CFAP73: variants seen among roughly 807,000 people sequenced by gnomAD.
CFAP73 encodes the protein cilia and flagella associated protein 73, also known as cilia- and flagella-associated protein 73.
A neutral mutation model predicts 42.9 loss-of-function variants in CFAP73; 33 were observed. That is an observed-to-expected ratio of 0.77 (90% CI 0.58 to 1.03). The LOEUF is 1.03. Among genes scored for constraint, CFAP73 ranks in the 50% least tolerant of loss-of-function variants. The pLI, the probability that CFAP73 is intolerant of heterozygous loss-of-function variation, is 0.00. For missense variants in CFAP73, 392 were observed against 411.9 expected (o/e 0.95, Z 0.42); for synonymous variants, 162 against 186.8 (o/e 0.87, Z 1.08).
Position 113,149,928 on chromosome 12 carries a change from G to A in CFAP73, c.56+15G>A. 6.4e-7 allele frequency: 1 copy of A among 1,550,478 alleles called. No homozygotes were observed. The highest frequency in any genetic ancestry group is 8.7e-7 in the Non-Finnish European group (1 of 1,146,034). Reference sequence around the variant, plus strand: ...AAACTGTCTACGTGAGTGGGACGTAGAGGGAGGGAGGGCTAGAAGGAGGGC... The same window carrying A: ...AAACTGTCTACGTGAGTGGGACGTAAAGGGAGGGAGGGCTAGAAGGAGGGC... On this transcript the variant is annotated intron_variant, in intron 1 of 7. Transcript: ENST00000335621.
In CFAP73 at chr12:113,159,003, G is replaced by A; in HGVS notation, c.*314G>A. On this transcript the variant is annotated 3_prime_UTR_variant, in exon 8 of 8. Transcript: ENST00000335621. ...GCTTGAGGCCACCACGCTGCAGGAA[G>A]TGCAGCTTCTGGGCCCGGCGCCGCT... 6.2e-7 allele frequency: 1 copy of A among 1,611,896 alleles called. No homozygotes were observed. The highest frequency in any genetic ancestry group is 1.1e-5 in the South Asian group (1 of 90,732).
chr12:113,150,813 C>T (rs1473215998), intron 1 of CFAP73, among the ~76,000 whole-genome samples: 4 of 152,108 alleles, frequency 2.6e-5, no homozygotes, highest in African/African-American at 9.7e-5. Context: ...CCTCCCTGCT[C>T]CCAATTCCCA....
At chr12:113,151,629 CA>C (rs1450872999) in intron 1 of CFAP73, among the ~76,000 whole-genome samples, 2 of 151,788 alleles carry the variant, frequency 1.3e-5, no homozygotes, top group Non-Finnish European at 2.9e-5. Flanking sequence ...CTCATCTTTA[CA>C]AAAATAAAAA....
rs1253278545 is a variant in CFAP73 at position 113,153,257 on chromosome 12, G to C, written c.317G>C (p.Arg106Thr). The change falls in exon 4 of 8, where the codon AGG becomes ACG. Residue 106 changes from arginine (R) to threonine (T), a missense_variant. Coordinates refer to ENST00000335621, the MANE Select transcript of CFAP73 (RefSeq NM_001144872.3). ...GCGCTGCGGAGGGCGGCGGAGGAGA[G>C]GCACCAGGCGGGCCGTCGGGAGGTG... ...NRALRRAAEE[R>T]HQAGRREVEA... 6.6e-7 allele frequency: 1 copy of C among 1,519,712 alleles called. No individual in the cohort carries two copies. The highest frequency in any genetic ancestry group is 1.4e-5 in the African/African-American group (1 of 71,074). 94.1% of individuals were successfully genotyped at this position (1,519,712 alleles called of 1,614,324 possible). A position where few individuals can be genotyped will look rare whatever the true frequency, so the allele number is the denominator to read the frequency against.
Position 113,155,396 on chromosome 12 carries a change from A to C in CFAP73, c.827A>C (p.Asp276Ala). 1.3e-6 allele frequency: 2 copies of C among 1,550,702 alleles called. No homozygotes were observed. Among genetic ancestry groups the C allele is most frequent in the Non-Finnish European group, 1.7e-6 (2 of 1,146,188 alleles). Residue 276 changes from aspartate to alanine, a missense_variant, in exon 6 of 8, where the codon GAC becomes GCC. Coordinates refer to ENST00000335621, the MANE Select transcript of CFAP73 (RefSeq NM_001144872.3). Reference sequence around the variant, plus strand: ...CAGCCTCCCACCCTGGACATCGAGGACACGGAGGGACAGCTAGAGCACGTG... The same window carrying C: ...CAGCCTCCCACCCTGGACATCGAGGCCACGGAGGGACAGCTAGAGCACGTG... ...QGQPPTLDIEDTEGQLEHVKL... is the reference protein window; with the variant it reads ...QGQPPTLDIEATEGQLEHVKL...
intron 6 of CFAP73, chr12:113,157,151 T>C (rs1952137987): frequency 6.3e-6 from 1 of 158,072 alleles, no homozygotes; most frequent in African/African-American, 2.4e-5. Flanking sequence ...CCACAGATGG[T>C]TGTAAGTTCA....
In CFAP73 at chr12:113,158,553, G is replaced by A. The variant is rs904640918; in HGVS notation, c.*12-148G>A. 1.7e-5 allele frequency: 5 copies of A among 286,124 alleles called. No individual in the cohort carries two copies. The highest frequency in any genetic ancestry group is 6.2e-5 in the East Asian group (1 of 16,212). The allele number at this position is 286,124 out of a possible 1,614,324, so 17.7% of individuals were successfully genotyped here. A position where few individuals can be genotyped will look rare whatever the true frequency, so the allele number is the denominator to read the frequency against. On this transcript the variant is annotated intron_variant, in intron 7 of 7. Transcript: ENST00000335621. This position sits in a 1 kb window ranked among gnomAD's most constrained non-coding sequence, Gnocchi z 4.9. ...CATTGCCAAACCCTGAGGCACTCAG[G>A]GCTCTGACCGGTGCAGCCATGACCT...
chr12:113,156,606 C>T (rs1198096875), intron 6 of CFAP73, among the ~76,000 whole-genome samples: 1 of 152,068 alleles, frequency 6.6e-6, no homozygotes, highest in Non-Finnish European at 1.5e-5. Context: ...GGATTCCAAC[C>T]GAATGCCAAG....
intron 6 of CFAP73, 130 bp from the exon 7 acceptor site, chr12:113,157,472 T>A (rs1356949352): frequency 4.1e-6 from 3 of 726,308 alleles, no homozygotes; most frequent in Non-Finnish European, 7.0e-6. Context: ...GGAACCACCA[T>A]CATCACTGTT....
At chr12:113,149,953 C>A in intron 1 of CFAP73, 40 bp downstream of exon 1, 1 of 1,522,712 alleles carries the variant, frequency 6.6e-7, no homozygotes, top group Non-Finnish European at 8.9e-7. Flanking sequence ...AGAAGGAGGG[C>A]GGGAATGCGT....
At chr12:113,157,055 A>G (rs1403847027) in intron 6 of CFAP73, 1 of 153,016 alleles carries the variant, frequency 6.5e-6, no homozygotes, top group Non-Finnish European at 1.5e-5. Context: ...TAGTTATGAC[A>G]AGGGGTAACT....
chr12:113,153,152 A>G, intron 3 of CFAP73, 56 bp from the exon 4 acceptor site: 3 of 1,419,718 alleles, frequency 2.1e-6, no homozygotes, highest in Non-Finnish European at 1.8e-6. Context: ...GAGGTGCCGA[A>G]CTCCCCGCCA....
At chr12:113,155,468 G>T in intron 6 of CFAP73, 50 bp downstream of exon 6, 1 of 1,494,722 alleles carries the variant, frequency 6.7e-7, no homozygotes, top group Non-Finnish European at 9.0e-7. Flanking sequence ...CTCCCTCTTT[G>T]GAAAAATGAG....
rs1208325873 is a variant in CFAP73, at chr12:113,159,140, T to G, written c.*451T>G. Reference sequence around the variant, plus strand: ...GGGACAGGGATTCAGGGAGCTCAGCTGTTGGGATCACTCCCAAGATCCCCT... The same window carrying G: ...GGGACAGGGATTCAGGGAGCTCAGCGGTTGGGATCACTCCCAAGATCCCCT... On this transcript the variant is annotated 3_prime_UTR_variant, in exon 8 of 8. Transcript: ENST00000335621. The G allele has an allele frequency of 6.4e-7, 1 of 1,554,402 alleles. No individual in the cohort carries two copies. Among genetic ancestry groups the G allele is most frequent in the Non-Finnish European group, 8.7e-7 (1 of 1,151,266 alleles).
In CFAP73 at chr12:113,154,400, G is replaced by C. The variant is rs760878157; in HGVS notation, c.469-14G>C. ...GCAGGCCCATGTGAGTCCCTTCCCCGCCCCCGACTCTAGTTCCAAGAGGTT... is the reference window on the plus strand; with the variant it reads ...GCAGGCCCATGTGAGTCCCTTCCCCCCCCCCGACTCTAGTTCCAAGAGGTT... On this transcript the variant is annotated splice_polypyrimidine_tract_variant and intron_variant, in intron 4 of 7. Coordinates refer to ENST00000335621, the MANE Select transcript of CFAP73 (RefSeq NM_001144872.3). This position sits in a 1 kb window ranked among gnomAD's most constrained non-coding sequence, Gnocchi z 4.7. 1 of 1,548,210 alleles carries C rather than the reference G, an allele frequency of 6.5e-7. No homozygotes were observed. Among genetic ancestry groups the C allele is most frequent in the South Asian group, 1.2e-5 (1 of 84,012 alleles).
At chr12:113,157,561 A>T (rs1284524906) in intron 6 of CFAP73, 41 bp from the exon 7 acceptor site, 1 of 1,528,894 alleles carries the variant, frequency 6.5e-7, no homozygotes, top group East Asian at 2.5e-5. Flanking sequence ...CTGGACAGTG[A>T]CTCTGGGGCT....
At chr12:113,157,337 T>G (rs1202307458) in intron 6 of CFAP73, 1 of 502,852 alleles carries the variant, frequency 2.0e-6, no homozygotes. Flanking sequence ...ATGAAAATAC[T>G]AATTGGATAG....
At chr12:113,155,929 C>CTTT (rs200795985) in intron 6 of CFAP73, among the ~76,000 whole-genome samples, 2 of 136,440 alleles carry the variant, frequency 1.5e-5, no homozygotes, top group African/African-American at 2.7e-5. Context: ...GTGCCATAGG[C>CTTT]TTTTTTTTTT....
At position 113,152,777 on chromosome 12, in the gene CFAP73, C is replaced by A; in HGVS notation, c.163-6C>A. 6.5e-7 allele frequency: 1 copy of A among 1,550,022 alleles called. No individual in the cohort carries two copies. Among genetic ancestry groups the A allele is most frequent in the Non-Finnish European group, 8.7e-7 (1 of 1,145,524 alleles). On this transcript the variant is annotated splice_polypyrimidine_tract_variant and splice_region_variant and intron_variant, in intron 2 of 7. Coordinates refer to ENST00000335621, the MANE Select transcript of CFAP73 (RefSeq NM_001144872.3). ...CCCACACAGACAACCCACTCCTCAC[C>A]CCCAGGTGTTCCGCACCAAGACGGC... is the stretch of plus-strand genomic sequence containing the variant.
Sources: gnomAD v4.1 joint callset for allele counts (sites outside exome capture counted in the v4.1 genomes callset) on GRCh38, gnomAD v4.1.1 for gene constraint, Gnocchi (gnomAD v3.1) non-coding constraint, MANE v1.5 for transcripts, NCBI Gene and HGNC (gene_info 2026-07-23, HGNC 2026-07-21) for gene names.